Variants in PPP6R1 observed in about 807,000 individuals in gnomAD.
PPP6R1 encodes the protein protein phosphatase 6 regulatory subunit 1.
PPP6R1 carries 39 observed loss-of-function variants against 104.6 expected under a neutral mutation model. The ratio of observed to expected loss-of-function variants is 0.37; its 90% CI spans 0.29 to 0.49. The LOEUF (loss-of-function observed/expected upper bound fraction) is 0.49, where lower values mean the gene tolerates loss of function less well. Ranked by LOEUF, PPP6R1 falls within the 20% of genes least tolerant of loss-of-function variation. The pLI, the probability that PPP6R1 is intolerant of heterozygous loss-of-function variation, is 0.98. For missense variants in PPP6R1, 1,181 were observed against 1,155.8 expected (o/e 1.02, Z -0.32); for synonymous variants, 549 against 479.0 (o/e 1.15, Z -1.91).
Position 55,242,293 on chromosome 19 carries a change from G to C in PPP6R1, c.732-14C>G, listed in dbSNP as rs780813571. 2 of 1,613,012 alleles carry C rather than the reference G, an allele frequency of 1.2e-6. No homozygotes were observed. The highest frequency in any genetic ancestry group is 1.7e-6 in the Non-Finnish European group (2 of 1,179,142). On this transcript the variant is annotated splice_polypyrimidine_tract_variant and intron_variant, in intron 6 of 23. Coordinates refer to ENST00000412770, the MANE Select transcript of PPP6R1 (RefSeq NM_014931.4). ...ATCGTCTCCTGCCTGCGGGGGCAGG[G>C]GCAGGGGTCAGGGTGAGGGGCCAGG... is the stretch of plus-strand genomic sequence containing the variant.
At chr19:55,252,279 G>C (rs1036932937) in intron 1 of PPP6R1, among the ~76,000 whole-genome samples, 1 of 152,090 alleles carries the variant, frequency 6.6e-6, no homozygotes, top group African/African-American at 2.4e-5. Flanking sequence ...ACCCAGCCTG[G>C]AGTGCAGTGG....
rs757666168 is a variant in PPP6R1, at chr19:55,231,998, G to A, written c.2126-16C>T. 6.2e-6 allele frequency: 10 copies of A among 1,605,104 alleles called. No individual in the cohort carries two copies. The highest frequency in any genetic ancestry group is 3.4e-5 in the Admixed American group (2 of 59,324). ...CAGCTGGGGCCTGGGATAGAGGTGG[G>A]GGAGCGGGATGGAGGGTGAACTCAG... On this transcript the variant is annotated splice_polypyrimidine_tract_variant and intron_variant, in intron 18 of 23. Coordinates refer to ENST00000412770, the MANE Select transcript of PPP6R1 (RefSeq NM_014931.4).
chr19:55,252,291 G>A (rs1007188833), intron 1 of PPP6R1, among the ~76,000 whole-genome samples: 93 of 151,946 alleles, frequency 6.1e-4, no homozygotes, highest in African/African-American at 4.8e-5. Flanking sequence ...GTGCAGTGGC[G>A]CGATCTCGGC....
rs750287103 is a variant in PPP6R1 at position 55,241,444 on chromosome 19, G to C, written c.1008+33C>G. On this transcript the variant is annotated intron_variant, in intron 8 of 23. Coordinates refer to ENST00000412770, the MANE Select transcript of PPP6R1 (RefSeq NM_014931.4). The surrounding 1 kb of genome is among the most constrained non-coding windows in gnomAD (Gnocchi z 5.4). ...AAGGGCTGCCCTTCCTGCTTCCCCC[G>C]CCTCCCCGAGGACCAGAACCCACAC... is the stretch of plus-strand genomic sequence containing the variant. The C allele has an allele frequency of 1.9e-6, 3 of 1,595,524 alleles. No homozygotes were observed. Among genetic ancestry groups the C allele is most frequent in the African/African-American group, 2.7e-5 (2 of 74,498 alleles).
At chr19:55,237,499 C>T (rs771778678) in intron 15 of PPP6R1, among the ~76,000 whole-genome samples, 1 of 152,178 alleles carries the variant, frequency 6.6e-6, no homozygotes, top group African/African-American at 2.4e-5. Context: ...CAGGGCCCCA[C>T]CTCCCTCACC....
chr19:55,253,365 G>A (rs2087568234), intron 1 of PPP6R1, among the ~76,000 whole-genome samples: 1 of 152,220 alleles, frequency 6.6e-6, no homozygotes, highest in Non-Finnish European at 1.5e-5. Flanking sequence ...TAAGATACCT[G>A]ATTAAAGGGC....
In PPP6R1 at chr19:55,257,918, G is replaced by A. The variant is rs2087606143; in HGVS notation, c.-7+517C>T. ...GAGAAGCCCCGCTCCCAGGTCCCTCGCACAAGAAGCCGGAGGCGGGAGAGG... is the reference window on the plus strand; with the variant it reads ...GAGAAGCCCCGCTCCCAGGTCCCTCACACAAGAAGCCGGAGGCGGGAGAGG... On this transcript the variant is annotated intron_variant, in intron 1 of 23. Transcript: ENST00000412770. 1.3e-5 allele frequency among the ~76,000 whole-genome samples: 2 copies of A among 152,222 alleles called. 1 individual carries two copies. The highest frequency in any genetic ancestry group is 4.8e-5 in the African/African-American group (2 of 41,452).
chr19:55,230,995 GC>G (rs1240201086), intron 21 of PPP6R1, 111 bp from the exon 22 acceptor site: 11 of 918,366 alleles, frequency 1.2e-5, no homozygotes, highest in Non-Finnish European at 1.7e-5. Flanking sequence ...TCTGCCACCT[GC>G]CCCACGGGGA....
In PPP6R1 at chr19:55,230,623, G is replaced by C. The variant is rs557618716; in HGVS notation, c.2632C>G (p.Pro878Ala). The C allele has an allele frequency of 2.5e-6, 4 of 1,612,126 alleles. No individual in the cohort carries two copies. Among genetic ancestry groups the C allele is most frequent in the Non-Finnish European group, 3.4e-6 (4 of 1,179,066 alleles). ...NGSAPEGPASPGSQ is the reference protein window; with the variant it reads ...NGSAPEGPASAGSQ ...TGCAGCCACACTCACTGGGAGCCTG[G>C]GGATGCAGGCCCTTCCGGGGCAGAG... The change falls in exon 23 of 24, where the codon CCA becomes GCA. Residue 878 changes from proline (P) to alanine (A), a missense_variant. Physicochemically the swap from Pro to Ala is conservative, Grantham distance 27 (BLOSUM62 -1). Around this residue, in one of 2 missense-constraint regions of PPP6R1, gnomAD observed 1,042 missense variants for 955.6 expected, o/e 1.09. Transcript: ENST00000412770.
At chr19:55,236,858 C>T (rs1445106834) in intron 16 of PPP6R1, 37 bp from the exon 17 acceptor site, 3 of 1,613,056 alleles carry the variant, frequency 1.9e-6, no homozygotes, top group East Asian at 4.5e-5. Flanking sequence ...GGCCACACTG[C>T]CCACAGCCCC....
At position 55,241,263 on chromosome 19, in the gene PPP6R1, T is replaced by C; in HGVS notation, c.1137A>G (p.Ala379=). 2 of 1,606,086 alleles carry C rather than the reference T, an allele frequency of 1.2e-6. No homozygotes were observed. The highest frequency in any genetic ancestry group is 2.2e-5 in the East Asian group (1 of 44,672). Residue 379 remains alanine, a synonymous_variant, in exon 9 of 24, where the codon GCA becomes GCG. Coordinates refer to ENST00000412770, the MANE Select transcript of PPP6R1 (RefSeq NM_014931.4). The surrounding 1 kb of genome is among the most constrained non-coding windows in gnomAD (Gnocchi z 5.4). The part of the protein sequence containing the change: ...NDAALTHELL[A]LDVPNTMLDL... ...CCAGCATGGTGTTGGGCACGTCCAG[T>C]GCCAGGAGCTCGTGCGTCAGGGCTG... is the stretch of plus-strand genomic sequence containing the variant.
At chr19:55,230,751 C>CCCCCCCCCAG in intron 22 of PPP6R1, 23 bp downstream of exon 22, 1 of 1,472,572 alleles carries the variant, frequency 6.8e-7, no homozygotes, top group Non-Finnish European at 9.1e-7. Flanking sequence ...CCCACCCCCC[C>CCCCCCCCCAG]GCCCTGCTGC....
At chr19:55,234,132 A>C (rs933416402) in intron 17 of PPP6R1, among the ~76,000 whole-genome samples, 1 of 152,166 alleles carries the variant, frequency 6.6e-6, no homozygotes, top group Non-Finnish European at 1.5e-5. Flanking sequence ...TTTTTAGTAG[A>C]GATGGGGTTT....
intron 17 of PPP6R1, among the ~76,000 whole-genome samples, chr19:55,235,558 G>A (rs569504855): frequency 7.5e-5 from 11 of 146,538 alleles, no homozygotes; most frequent in South Asian, 2.1e-4. Context: ...TCGCTCTGTC[G>A]CCCAGGCTGG....
At position 55,245,754 on chromosome 19, in the gene PPP6R1, C is replaced by A. The variant is rs1159243407; in HGVS notation, c.228-76G>T. 2 of 1,237,190 alleles carry A rather than the reference C, an allele frequency of 1.6e-6. No individual in the cohort carries two copies. Among genetic ancestry groups the A allele is most frequent in the African/African-American group, 2.9e-5 (2 of 67,830 alleles). 76.6% of individuals were successfully genotyped at this position (1,237,190 alleles called of 1,614,324 possible). On this transcript the variant is annotated intron_variant, in intron 2 of 23. Transcript: ENST00000412770. The surrounding 1 kb of genome is among the most constrained non-coding windows in gnomAD (Gnocchi z 6.4). ...GGGGGCGGCAAGGCTCCACCCTCTTCTCTGCACCGGGCACTGGGTTTCTGG... is the reference window on the plus strand; with the variant it reads ...GGGGGCGGCAAGGCTCCACCCTCTTATCTGCACCGGGCACTGGGTTTCTGG...
chr19:55,256,044 GTGTTC>G (rs2087590618), intron 1 of PPP6R1, among the ~76,000 whole-genome samples: 2 of 152,194 alleles, frequency 1.3e-5, no homozygotes, highest in Non-Finnish European at 2.9e-5. Flanking sequence ...CCAGAGAAAG[GTGTTC>G]TGTTAAGAGC....
intron 1 of PPP6R1, among the ~76,000 whole-genome samples, 189 bp downstream of exon 1, chr19:55,258,246 G>A: frequency 6.6e-6 from 1 of 152,188 alleles, no homozygotes; most frequent in African/African-American, 2.4e-5. Flanking sequence ...GAGATTAAGA[G>A]ACTGGGGAGG....
At chr19:55,252,772 A>G (rs1600117973) in intron 1 of PPP6R1, among the ~76,000 whole-genome samples, 1 of 151,918 alleles carries the variant, frequency 6.6e-6, no homozygotes, top group East Asian at 1.9e-4. Context: ...GCCTGACCTC[A>G]AGTGATCTGC....
At chr19:55,251,371 A>G (rs552435992) in intron 1 of PPP6R1, among the ~76,000 whole-genome samples, 2 of 152,274 alleles carry the variant, frequency 1.3e-5, no homozygotes, top group South Asian at 4.1e-4. Context: ...CATTTTCACA[A>G]GGCCCCAGCT....
Sources: gnomAD v4.1 joint callset for allele counts (sites outside exome capture counted in the v4.1 genomes callset) on GRCh38, gnomAD v4.1.1 for gene constraint, gnomAD v4.1.1 regional missense constraint, Gnocchi (gnomAD v3.1) non-coding constraint, MANE v1.5 for transcripts, NCBI Gene and HGNC (gene_info 2026-07-23, HGNC 2026-07-21) for gene names.